STK10: variants seen among roughly 807,000 people sequenced by gnomAD.
STK10 encodes the protein serine/threonine-protein kinase 10.
STK10 carries 78 observed loss-of-function variants against 113.8 expected under a neutral mutation model. The ratio of observed to expected loss-of-function variants is 0.69; its 90% CI spans 0.57 to 0.83. The LOEUF is 0.83. Among genes scored for constraint, STK10 ranks in the 40% least tolerant of loss-of-function variants. The pLI is 0.00. For synonymous variants in STK10, 465 were observed against 494.7 expected, an observed-to-expected ratio of 0.94 and a Z score of 0.80; for missense variants, 1,109 against 1,280.1, an observed-to-expected ratio of 0.87 and a Z score of 2.04.
At position 172,119,132 on chromosome 5, in the gene STK10, C is replaced by T. The variant is rs147422863; in HGVS notation, c.371-1502G>A. On this transcript the variant is annotated intron_variant, in intron 3 of 18. Transcript: ENST00000176763. ...ACGCTGCAGATCACTCAGTGTCCAC[C>T]GAGAGATGGCCAGGGCCCTTCTTCC... 1.9e-4 allele frequency among the ~76,000 whole-genome samples: 29 copies of T among 152,208 alleles called. No individual in the cohort carries two copies. The East Asian group carries it at 5.0e-3, about 26-fold the overall frequency.
At chr5:172,063,926 G>A (rs1767989063) in intron 13 of STK10, among the ~76,000 whole-genome samples, 1 of 152,204 alleles carries the variant, frequency 6.6e-6, no homozygotes, top group Non-Finnish European at 1.5e-5. Context: ...GGGGAAAATA[G>A]GAGCATTCCG....
At chr5:172,075,938 A>T (rs1768294953) in intron 12 of STK10, among the ~76,000 whole-genome samples, 1 of 152,232 alleles carries the variant, frequency 6.6e-6, no homozygotes. Flanking sequence ...TCTCTCATAA[A>T]GTCAAACATG....
chr5:172,119,199 G>A (rs766201757), intron 3 of STK10, among the ~76,000 whole-genome samples: 8 of 151,984 alleles, frequency 5.3e-5, no homozygotes, highest in Non-Finnish European at 1.0e-4. Flanking sequence ...GGCAGGGAGC[G>A]GGAAGGTGGG....
At chr5:172,088,008 C>T (rs933409824) in intron 10 of STK10, among the ~76,000 whole-genome samples, 1 of 152,112 alleles carries the variant, frequency 6.6e-6, no homozygotes, top group South Asian at 2.1e-4. Context: ...TCACTGCAGC[C>T]TTGACCTCCT....
intron 7 of STK10, among the ~76,000 whole-genome samples, chr5:172,101,910 G>A (rs894635342): frequency 2.6e-5 from 4 of 151,892 alleles, no homozygotes; most frequent in Non-Finnish European, 4.4e-5. Flanking sequence ...GGCTGGGCAG[G>A]CTGGAGAAGA....
intron 7 of STK10, among the ~76,000 whole-genome samples, chr5:172,103,427 C>T (rs916787188): frequency 1.3e-5 from 2 of 152,180 alleles, no homozygotes; most frequent in South Asian, 2.1e-4. Context: ...AAATTCCTGG[C>T]TGAGGCTGCA....
At chr5:172,045,462 C>T (rs935097210) in intron 18 of STK10, 22 of 454,510 alleles carry the variant, frequency 4.8e-5, no homozygotes, top group African/African-American at 2.6e-4. Context: ...CCAACTTGGG[C>T]GACGGTGCGA....
At chr5:172,125,180 G>T (rs1472205307) in intron 3 of STK10, among the ~76,000 whole-genome samples, 1 of 152,152 alleles carries the variant, frequency 6.6e-6, no homozygotes, top group Admixed American at 6.5e-5. Context: ...CCAGATCCTG[G>T]CTCTTTCGGC....
At chr5:172,150,102 G>GC (rs1303172751) in intron 2 of STK10, among the ~76,000 whole-genome samples, 1 of 145,792 alleles carries the variant, frequency 6.9e-6, no homozygotes, top group Non-Finnish European at 1.5e-5. Flanking sequence ...TCCCTTCCAA[G>GC]CCCCTAGAGT....
chr5:172,068,339 C>CAAA (rs61021036), intron 12 of STK10, among the ~76,000 whole-genome samples: 1 of 142,780 alleles, frequency 7.0e-6, no homozygotes. Context: ...GACTCTGTCT[C>CAAA]AAAAAAAAAA....
intron 18 of STK10, among the ~76,000 whole-genome samples, chr5:172,050,520 C>A (rs1292805271): frequency 6.6e-6 from 1 of 151,914 alleles, no homozygotes; most frequent in Admixed American, 6.6e-5. Context: ...AGCAAGACCC[C>A]ATTTCAAAAA....
At chr5:172,140,087 CA>C (rs148437219) in intron 2 of STK10, among the ~76,000 whole-genome samples, 14,966 of 151,208 alleles carry the variant, frequency 0.099, 2,475 homozygotes, top group African/African-American at 0.34. Context: ...AACTTGATTG[CA>C]AAAAAAACCC....
chr5:172,101,969 G>A (rs1259517342), intron 7 of STK10, among the ~76,000 whole-genome samples: 5 of 145,998 alleles, frequency 3.4e-5, no homozygotes, highest in Middle Eastern at 3.4e-3. Flanking sequence ...TCAGCAGGGT[G>A]GGGGGGGCGG....
intron 2 of STK10, among the ~76,000 whole-genome samples, chr5:172,151,431 C>G (rs1770231233): frequency 1.3e-5 from 2 of 152,044 alleles, no homozygotes; most frequent in East Asian, 1.9e-4. Context: ...ATTGCAACCT[C>G]CACCTCCCGG....
intron 3 of STK10, among the ~76,000 whole-genome samples, chr5:172,119,171 G>A (rs1769450681): frequency 6.6e-6 from 1 of 152,030 alleles, no homozygotes; most frequent in East Asian, 1.9e-4. Context: ...AGGTTCACAG[G>A]TTGAGTAGGT....
At chr5:172,057,058 A>AG in intron 15 of STK10, 1 of 241,032 alleles carries the variant, frequency 4.1e-6, no homozygotes, top group Non-Finnish European at 7.9e-6. Context: ...AGAAAAGAAG[A>AG]AAGGGAAAAA....
intron 4 of STK10, among the ~76,000 whole-genome samples, chr5:172,116,495 G>A (rs572745145): frequency 1.3e-5 from 2 of 152,324 alleles, no homozygotes; most frequent in South Asian, 2.1e-4. Context: ...AAGGAGACAC[G>A]TGAGGGGATG....
intron 18 of STK10, among the ~76,000 whole-genome samples, chr5:172,046,691 T>G (rs1240958299): frequency 4.6e-5 from 7 of 152,226 alleles, no homozygotes; most frequent in Admixed American, 4.6e-4. Flanking sequence ...ATGTGACAGA[T>G]AGTAAACATT....
At chr5:172,052,287 A>C (rs1027613499) in intron 18 of STK10, among the ~76,000 whole-genome samples, 4 of 152,164 alleles carry the variant, frequency 2.6e-5, no homozygotes, top group African/African-American at 9.7e-5. Flanking sequence ...GTCAGCAAGG[A>C]AACAGGGACC....
Sources: allele counts gnomAD v4.1 joint callset (sites outside exome capture counted in the v4.1 genomes callset), GRCh38; gene constraint gnomAD v4.1.1; transcripts MANE v1.5; gene names NCBI Gene and HGNC (gene_info 2026-07-23, HGNC 2026-07-21).